The following DOT1L variants were observed in gnomAD, a reference collection of about 807,000 sequenced individuals.
The protein encoded by DOT1L is histone-lysine N-methyltransferase, H3 lysine-79 specific.
Under a neutral mutation model 153.3 loss-of-function variants are expected in DOT1L, and 33 were observed. That is an observed-to-expected ratio of 0.22 (90% CI 0.16 to 0.29). The LOEUF is 0.29. DOT1L is among the 10% of genes least tolerant of loss of function. The probability of loss-of-function intolerance (pLI) is 1.00; values close to 1 mark genes in which losing one functional copy is unlikely to be tolerated. For synonymous variants in DOT1L, 1,135 were observed against 965.1 expected (o/e 1.18, Z -3.26); for missense variants, 1,847 against 2,119.9 (o/e 0.87, Z 2.53).
chr19:2,218,267 C>T lies in DOT1L; in HGVS notation c.2691+349C>T, dbSNP rs537629404. Reference sequence around the variant, plus strand: ...CACAGCTGCCTCTGGGTTCTCCCACCCAGCGCTGTGCATGCAGAGAATCTC... The same window carrying T: ...CACAGCTGCCTCTGGGTTCTCCCACTCAGCGCTGTGCATGCAGAGAATCTC... On this transcript the variant is annotated intron_variant, in intron 22 of 27. Transcript: ENST00000398665. 2.6e-5 allele frequency among the ~76,000 whole-genome samples: 4 copies of T among 152,350 alleles called. No homozygotes were observed. In the East Asian group the frequency reaches 7.7e-4, roughly 29 times the overall value.
At chr19:2,165,748 A>G (rs2144631491) in intron 1 of DOT1L, among the ~76,000 whole-genome samples, 1 of 151,140 alleles carries the variant, frequency 6.6e-6, no homozygotes, top group East Asian at 2.0e-4. Context: ...CCGTCCGACC[A>G]GCCCCAGTAC....
At chr19:2,188,175 T>C (rs551989198) in intron 3 of DOT1L, 2 of 152,352 alleles carry the variant, frequency 1.3e-5, no homozygotes, top group African/African-American at 4.8e-5. Flanking sequence ...CCTCTTAAGT[T>C]CTCTTGCTTT....
chr19:2,219,719 T>TTC (rs1197022972), intron 22 of DOT1L, among the ~76,000 whole-genome samples: 1 of 152,110 alleles, frequency 6.6e-6, no homozygotes, highest in East Asian at 1.9e-4. Context: ...GGCAGGTGTG[T>TTC]TCTCGCAAGC....
rs1654320396 is a variant in DOT1L at position 2,185,919 on chromosome 19, G to A, written c.190G>A (p.Asp64Asn). 3.1e-6 allele frequency: 5 copies of A among 1,614,062 alleles called. No individual in the cohort carries two copies. Among genetic ancestry groups the A allele is most frequent in the Non-Finnish European group, 8.5e-7 (1 of 1,180,004 alleles). ...GGAGAATTACGTTTTAATTGACTAT[G>A]ACACCAAAAGGTAAGCAGAGTCCTG... ...AMENYVLIDY[D>N]TKSFESMQRL... Residue 64 changes from aspartate (D) to asparagine (N), a missense_variant, in exon 3 of 28, where the codon GAC (aspartate) becomes AAC (asparagine). By Grantham distance (23) the Asp-to-Asn change is conservative. Coordinates refer to ENST00000398665, the MANE Select transcript of DOT1L (RefSeq NM_032482.3).
At chr19:2,174,956 A>ATGTG (rs1473025203) in intron 1 of DOT1L, among the ~76,000 whole-genome samples, 39 of 100,566 alleles carry the variant, frequency 3.9e-4, no homozygotes, top group South Asian at 1.2e-3. Flanking sequence ...GTTTTTAAAT[A>ATGTG]TATGTGTGTG....
intron 24 of DOT1L, 92 bp from the exon 25 acceptor site, chr19:2,223,189 T>C: frequency 1.4e-6 from 2 of 1,411,252 alleles, no homozygotes; most frequent in Non-Finnish European, 2.0e-6. Context: ...GACCCTGGGG[T>C]GCAGACAGGA....
chr19:2,176,792 C>A (rs180898964), intron 1 of DOT1L, among the ~76,000 whole-genome samples: 1 of 152,202 alleles, frequency 6.6e-6, no homozygotes, highest in East Asian at 1.9e-4. Flanking sequence ...TGAAACCAGG[C>A]GAGGCAGGGC....
rs1210941280 is a variant in DOT1L, at chr19:2,185,571, C to T, written c.126-284C>T. Among the ~76,000 whole-genome samples the T allele has an allele frequency of 2.0e-5, 3 of 152,086 alleles. 1 individual carries two copies. Among genetic ancestry groups the T allele is most frequent in the African/African-American group, 7.2e-5 (3 of 41,400 alleles). The stretch of plus-strand genomic sequence containing the variant: ...ATCACTTCAGGTCAGGAGTTTGAGA[C>T]CAGCCTTGCCAAAATGGCCTAACCC... On this transcript the variant is annotated intron_variant, in intron 2 of 27. Transcript: ENST00000398665.
chr19:2,214,782 CCTCA>C (rs2023838633), intron 19 of DOT1L, 186 bp downstream of exon 19: 1 of 834,872 alleles, frequency 1.2e-6, no homozygotes, highest in African/African-American at 1.7e-5. Context: ...GATGACTCTG[CCTCA>C]CTCTAGCCCT....
rs201460295 is a variant in DOT1L at position 2,175,004 on chromosome 19, ATT to A, written c.82-5697_82-5696del. 0.011 allele frequency among the ~76,000 whole-genome samples: 1,183 copies of A among 107,098 alleles called. 39 individuals are homozygous for A. The East Asian group carries it at 0.12, about 11-fold the overall frequency. 70.3% of individuals were successfully genotyped at this position (107,098 alleles called of 152,430 possible). A position where few individuals can be genotyped will look rare whatever the true frequency, so the allele number is the denominator to read the frequency against. ...TGTGTGTGTGTGTGTGTATATATAT[ATT>A]TTTTTTTTTTTAGATGGAGTCTTGC... On this transcript the variant is annotated intron_variant, in intron 1 of 27. Coordinates refer to ENST00000398665, the MANE Select transcript of DOT1L (RefSeq NM_032482.3).
At chr19:2,198,544 T>TG (rs951966886) in intron 7 of DOT1L, among the ~76,000 whole-genome samples, 13 of 152,228 alleles carry the variant, frequency 8.5e-5, no homozygotes, top group African/African-American at 2.4e-4. Context: ...CCCTGTTGCT[T>TG]GGGGCGGCGG....
At position 2,197,549 on chromosome 19, in the gene DOT1L, C is replaced by T. The variant is rs1432457142; in HGVS notation, c.652-2335C>T. On this transcript the variant is annotated intron_variant, in intron 7 of 27. Transcript: ENST00000398665. This position sits in a 1 kb window ranked among gnomAD's most constrained non-coding sequence, Gnocchi z 4.1. ...ATCTTGTCAGCGTCTGGGTCAGCAC[C>T]CTGCCTCCTGGGGCCTGGGTCCATG... 6.6e-6 allele frequency among the ~76,000 whole-genome samples: 1 copy of T among 152,198 alleles called. No homozygotes were observed. The highest frequency in any genetic ancestry group is 1.5e-5 in the Non-Finnish European group (1 of 68,044).
At position 2,222,088 on chromosome 19, in the gene DOT1L, C is replaced by A. The variant is rs1223384394; in HGVS notation, c.2919C>A (p.Ser973Arg). 29 of 1,613,314 alleles carry A rather than the reference C, an allele frequency of 1.8e-5. No individual in the cohort carries two copies. In the East Asian group the frequency reaches 6.0e-4, roughly 33 times the overall value. ...ATLDESSSSGSLFATVGSRSS... is the reference protein window; with the variant it reads ...ATLDESSSSGRLFATVGSRSS... ...TGGATGAGTCCTCCAGCTCTGGGAGCCTTTTTGCCACCGTGGGGTCCCGCA... is the reference window on the plus strand; with the variant it reads ...TGGATGAGTCCTCCAGCTCTGGGAGACTTTTTGCCACCGTGGGGTCCCGCA... The change falls in exon 24 of 28, where the codon AGC (serine) becomes AGA (arginine). Residue 973 changes from serine to arginine, a missense_variant. Ser to Arg is a moderately radical substitution (Grantham distance 110, BLOSUM62 -1). Coordinates refer to ENST00000398665, the MANE Select transcript of DOT1L (RefSeq NM_032482.3). The surrounding 1 kb of genome is among the most constrained non-coding windows in gnomAD (Gnocchi z 6.5).
Position 2,222,658 on chromosome 19 carries a change from T to C in DOT1L, c.3390+99T>C. On this transcript the variant is annotated intron_variant, in intron 24 of 27. Coordinates refer to ENST00000398665, the MANE Select transcript of DOT1L (RefSeq NM_032482.3). This position sits in a 1 kb window ranked among gnomAD's most constrained non-coding sequence, Gnocchi z 6.5. ...GCTCACGCCTGTAATCCCAGCATTT[T>C]GGGAGGCCGAGGCGGGTGGATCACA... The C allele has an allele frequency of 8.2e-7, 1 of 1,224,936 alleles. No homozygotes were observed. Among genetic ancestry groups the C allele is most frequent in the Non-Finnish European group, 1.1e-6 (1 of 906,810 alleles). The allele number at this position is 1,224,936 out of a possible 1,614,324, so 75.9% of individuals were successfully genotyped here. A position where few individuals can be genotyped will look rare whatever the true frequency, so the allele number is the denominator to read the frequency against.
intron 27 of DOT1L, 25 bp downstream of exon 27, chr19:2,227,152 C>A (rs538434265): frequency 6.4e-7 from 1 of 1,560,640 alleles, no homozygotes; most frequent in South Asian, 1.2e-5. Context: ...CGTCCGTCCG[C>A]CCCCCGCCCC....
intron 12 of DOT1L, 68 bp from the exon 13 acceptor site, chr19:2,210,332 G>T: frequency 7.4e-7 from 1 of 1,352,850 alleles, no homozygotes; most frequent in Non-Finnish European, 9.8e-7. Context: ...AGCTCCGCGT[G>T]CCTCTCGGTG....
chr19:2,192,420 C>A (rs1310583558), intron 5 of DOT1L, among the ~76,000 whole-genome samples: 1 of 152,196 alleles, frequency 6.6e-6, no homozygotes, highest in African/African-American at 2.4e-5. Context: ...GTAATCCCAG[C>A]ACTTTGGGAG....
intron 3 of DOT1L, 25 bp from the exon 4 acceptor site, chr19:2,189,707 C>A (rs368740625): frequency 6.2e-7 from 1 of 1,608,086 alleles, no homozygotes. Context: ...CCCGCATGAC[C>A]AGGGCCTTCC....
chr19:2,218,334 T>C (rs1174317015), intron 22 of DOT1L, among the ~76,000 whole-genome samples: 1 of 152,262 alleles, frequency 6.6e-6, no homozygotes, highest in Non-Finnish European at 1.5e-5. Context: ...CATTGAACTA[T>C]TTTTTAAAAA....
Sources: allele counts gnomAD v4.1 joint callset (sites outside exome capture counted in the v4.1 genomes callset), GRCh38; gene constraint gnomAD v4.1.1; non-coding constraint Gnocchi (gnomAD v3.1); transcripts MANE v1.5; gene names NCBI Gene and HGNC (gene_info 2026-07-23, HGNC 2026-07-21).